Variants in ICA1 observed in about 807,000 individuals in gnomAD.
ICA1 encodes islet cell autoantigen 1, also known as 69 kDa islet cell autoantigen.
In ICA1, 40 loss-of-function variants were observed where a neutral mutation model predicts 71.0. The observed-to-expected ratio is 0.56, with a 90% CI of 0.44 to 0.73. The LOEUF (loss-of-function observed/expected upper bound fraction) is 0.73, where lower values mean the gene tolerates loss of function less well. Among genes scored for constraint, ICA1 ranks in the 30% least tolerant of loss-of-function variants. The pLI, the probability that ICA1 is intolerant of heterozygous loss-of-function variation, is 0.00. For synonymous variants in ICA1, 207 were observed against 209.5 expected (o/e 0.99, Z 0.10); for missense variants, 578 against 576.5 (o/e 1.00, Z -0.03).
At chr7:8,121,597 G>C (rs1584188414) in intron 13 of ICA1, among the ~76,000 whole-genome samples, 3 of 152,350 alleles carry the variant, frequency 2.0e-5, no homozygotes, top group Admixed American at 2.0e-4. Context: ...GGTTACCAGA[G>C]GCTGGAAAGG....
chr7:8,152,350 G>C (rs111234699), intron 8 of ICA1, among the ~76,000 whole-genome samples: 1 of 151,896 alleles, frequency 6.6e-6, no homozygotes, highest in African/African-American at 2.4e-5. Context: ...TTGATGCTTC[G>C]CATGGTTGTC....
chr7:8,181,050 T>G (rs1176981075), intron 6 of ICA1, among the ~76,000 whole-genome samples: 3 of 152,144 alleles, frequency 2.0e-5, no homozygotes, highest in Non-Finnish European at 4.4e-5. Context: ...GAACTCTTTA[T>G]CTGTTCTAAG....
intron 6 of ICA1, among the ~76,000 whole-genome samples, chr7:8,158,930 G>A (rs1802691058): frequency 6.6e-6 from 1 of 152,172 alleles, no homozygotes; most frequent in Non-Finnish European, 1.5e-5. Flanking sequence ...TTCACAAACT[G>A]ATCATGGTTG....
chr7:8,241,002 T>A (rs768989829), intron 1 of ICA1, among the ~76,000 whole-genome samples: 1 of 152,068 alleles, frequency 6.6e-6, no homozygotes, highest in Non-Finnish European at 1.5e-5. Flanking sequence ...CAGGATATTA[T>A]CCAGGAGAAT....
intron 1 of ICA1, among the ~76,000 whole-genome samples, chr7:8,244,394 T>C (rs533887456): frequency 6.6e-6 from 1 of 152,316 alleles, no homozygotes; most frequent in East Asian, 1.9e-4. Flanking sequence ...TTACACTTTA[T>C]ACAAAAATTA....
intron 6 of ICA1, among the ~76,000 whole-genome samples, chr7:8,198,442 T>C (rs1788439010): frequency 6.6e-6 from 1 of 152,212 alleles, no homozygotes. Context: ...GAGGGCTTTG[T>C]GGGATGTTGA....
intron 8 of ICA1, among the ~76,000 whole-genome samples, chr7:8,150,681 A>T (rs1298078321): frequency 1.3e-5 from 2 of 152,268 alleles, no homozygotes; most frequent in Non-Finnish European, 2.9e-5. Context: ...ACTTCATCCC[A>T]AACTCTAAAA....
chr7:8,178,574 C>CT lies in ICA1; in HGVS notation c.580-19923dup, dbSNP rs879700745. On this transcript the variant is annotated intron_variant, in intron 6 of 13. Transcript: ENST00000402384. The stretch of plus-strand genomic sequence containing the variant: ...CTAACATTCTGTCACTTGGTGTGGT[C>CT]TTTTTTTTTTTTTTTTAAAAAAGAA... 4.6e-3 allele frequency among the ~76,000 whole-genome samples: 638 copies of CT among 138,242 alleles called. 6 individuals carry two copies. Among genetic ancestry groups the CT allele is most frequent in the African/African-American group, 0.017 (626 of 37,374 alleles). The allele number at this position is 138,242 out of a possible 152,430, so 90.7% of individuals were successfully genotyped here. A position where few individuals can be genotyped will look rare whatever the true frequency, so the allele number is the denominator to read the frequency against.
chr7:8,260,307 G>T (rs1009983227), intron 1 of ICA1, among the ~76,000 whole-genome samples: 5 of 152,070 alleles, frequency 3.3e-5, no homozygotes, highest in African/African-American at 1.2e-4. Flanking sequence ...TATACTTTTC[G>T]TGAGATTGAT....
chr7:8,210,254 C>T (rs1793187472), intron 6 of ICA1, among the ~76,000 whole-genome samples: 1 of 152,118 alleles, frequency 6.6e-6, no homozygotes, highest in Non-Finnish European at 1.5e-5. Flanking sequence ...AACAAGAGGC[C>T]TCCTGCATGT....
chr7:8,239,822 C>T (rs544270758), intron 1 of ICA1, among the ~76,000 whole-genome samples: 11 of 152,330 alleles, frequency 7.2e-5, no homozygotes, highest in Admixed American at 3.9e-4. Context: ...GATAGAACTG[C>T]GAGGTGTCAG....
intron 13 of ICA1, among the ~76,000 whole-genome samples, chr7:8,124,260 A>G (rs955605892): frequency 1.3e-5 from 2 of 151,772 alleles, no homozygotes; most frequent in Non-Finnish European, 2.9e-5. Context: ...AGCTGGGACT[A>G]CAGGCACGCA....
intron 6 of ICA1, among the ~76,000 whole-genome samples, chr7:8,200,277 C>A (rs1789114084): frequency 1.5e-5 from 2 of 131,748 alleles, no homozygotes; most frequent in South Asian, 5.3e-4. Flanking sequence ...CCATGTGTTT[C>A]CGGGATGACA....
At chr7:8,213,408 A>G (rs1427120946) in intron 6 of ICA1, among the ~76,000 whole-genome samples, 1 of 152,190 alleles carries the variant, frequency 6.6e-6, no homozygotes, top group Non-Finnish European at 1.5e-5. Context: ...AACACAACTC[A>G]CTGGCATAGG....
At chr7:8,209,364 C>T (rs1301537399) in intron 6 of ICA1, among the ~76,000 whole-genome samples, 1 of 152,104 alleles carries the variant, frequency 6.6e-6, no homozygotes, top group Non-Finnish European at 1.5e-5. Context: ...AGTTCCTCTA[C>T]TTATAGAATT....
At chr7:8,181,753 T>G (rs999362794) in intron 6 of ICA1, among the ~76,000 whole-genome samples, 1 of 152,166 alleles carries the variant, frequency 6.6e-6, no homozygotes, top group Non-Finnish European at 1.5e-5. Context: ...AATAAGCCAG[T>G]GCTTAATTAA....
At chr7:8,129,897 C>G (rs1351593988) in intron 12 of ICA1, among the ~76,000 whole-genome samples, 1 of 136,012 alleles carries the variant, frequency 7.4e-6, no homozygotes, top group Non-Finnish European at 1.5e-5. Context: ...TGTTCCCCTT[C>G]CTGTGTCCAT....
chr7:8,225,663 C>T (rs1454975709), intron 4 of ICA1, among the ~76,000 whole-genome samples: 1 of 152,206 alleles, frequency 6.6e-6, no homozygotes, highest in Non-Finnish European at 1.5e-5. Flanking sequence ...CCCATGCATA[C>T]ACCCTCATCT....
At chr7:8,191,843 G>C (rs189518488) in intron 6 of ICA1, among the ~76,000 whole-genome samples, 1 of 151,822 alleles carries the variant, frequency 6.6e-6, no homozygotes. Context: ...ATAAAGAAAC[G>C]TATTAAAATT....
Sources: gnomAD v4.1 joint callset for allele counts (sites outside exome capture counted in the v4.1 genomes callset) on GRCh38, gnomAD v4.1.1 for gene constraint, MANE v1.5 for transcripts, NCBI Gene and HGNC (gene_info 2026-07-23, HGNC 2026-07-21) for gene names.